CNTNAP3: variants seen among roughly 807,000 people sequenced by gnomAD.
CNTNAP3 encodes the protein contactin-associated protein-like 3.
Under a neutral mutation model 92.1 loss-of-function variants are expected in CNTNAP3, and 36 were observed. The ratio of observed to expected loss-of-function variants is 0.39; its 90% CI spans 0.30 to 0.52. The LOEUF (loss-of-function observed/expected upper bound fraction) is 0.52, where lower values mean the gene tolerates loss of function less well. Ranked by LOEUF, CNTNAP3 falls within the 20% of genes least tolerant of loss-of-function variation. The probability of loss-of-function intolerance (pLI) is 0.76; values close to 1 mark genes in which losing one functional copy is unlikely to be tolerated. For missense variants in CNTNAP3, 534 were observed against 1,069.6 expected, an observed-to-expected ratio of 0.50 and a Z score of 6.98; for synonymous variants, 232 against 422.3, an observed-to-expected ratio of 0.55 and a Z score of 5.53.
intron 13 of CNTNAP3, among the ~76,000 whole-genome samples, chr9:39,122,341 C>A (rs969954988): frequency 6.6e-6 from 1 of 151,966 alleles, no homozygotes; most frequent in South Asian, 2.1e-4. Flanking sequence ...GGCTACAGAG[C>A]GAGACTCTCT....
In CNTNAP3 at chr9:39,069,528, T is replaced by C. The variant is rs192104222; in HGVS notation, c.*4362A>G. Among the ~76,000 whole-genome samples the C allele has an allele frequency of 1.3e-5, 2 of 152,422 alleles. No homozygotes were observed. The highest frequency in any genetic ancestry group is 3.9e-4 in the East Asian group (2 of 5,190). The stretch of plus-strand genomic sequence containing the variant: ...CATGTGAACCTCACATTTTAAAATA[T>C]ATAATGGCACAATAAAATGCAAAAA... On this transcript the variant is annotated 3_prime_UTR_variant, in exon 24 of 24. Transcript: ENST00000297668.
intron 14 of CNTNAP3, among the ~76,000 whole-genome samples, chr9:39,114,824 T>G (rs1473410255): frequency 6.6e-6 from 1 of 151,866 alleles, no homozygotes; most frequent in Non-Finnish European, 1.5e-5. Flanking sequence ...AAAATAATAT[T>G]ACAGTTACAT....
chr9:39,081,953 G>A lies in CNTNAP3; in HGVS notation c.3443-3033C>T, dbSNP rs556268685. 5.6e-3 allele frequency among the ~76,000 whole-genome samples: 844 copies of A among 151,928 alleles called. 10 individuals are homozygous for A. The highest frequency in any genetic ancestry group is 0.019 in the African/African-American group (804 of 41,394). On this transcript the variant is annotated intron_variant, in intron 21 of 23. Coordinates refer to ENST00000297668, the MANE Select transcript of CNTNAP3 (RefSeq NM_033655.5). ...AAAAAAAAAATTAGCCGGGCATGGTGGTGGGTGCCTGTAGTCTCAGCTACT... is the reference window on the plus strand; with the variant it reads ...AAAAAAAAAATTAGCCGGGCATGGTAGTGGGTGCCTGTAGTCTCAGCTACT...
chr9:39,116,467 C>T (rs1008793852), intron 14 of CNTNAP3, among the ~76,000 whole-genome samples: 7 of 152,132 alleles, frequency 4.6e-5, no homozygotes, highest in Non-Finnish European at 1.0e-4. Context: ...CACATCATCA[C>T]ATTATCATAC....
intron 18 of CNTNAP3, among the ~76,000 whole-genome samples, chr9:39,096,839 A>G (rs1826337114): frequency 6.6e-6 from 1 of 150,492 alleles, no homozygotes; most frequent in Non-Finnish European, 1.5e-5. Context: ...AAAGTTTTTA[A>G]TAAGATGTGT....
intron 15 of CNTNAP3, among the ~76,000 whole-genome samples, chr9:39,106,154 A>T (rs1204953127): frequency 1.3e-5 from 2 of 152,192 alleles, no homozygotes; most frequent in East Asian, 3.8e-4. Context: ...GCTGCCCCAA[A>T]AGAAGGGAAA....
At chr9:39,149,360 T>G (rs1371953944) in intron 10 of CNTNAP3, among the ~76,000 whole-genome samples, 1 of 152,102 alleles carries the variant, frequency 6.6e-6, no homozygotes, top group Admixed American at 6.5e-5. Flanking sequence ...GTTTTTGTTT[T>G]TTTTTTTGAG....
At chr9:39,085,503 A>C (rs1379270382) in intron 21 of CNTNAP3, 1 of 520,204 alleles carries the variant, frequency 1.9e-6, no homozygotes, top group African/African-American at 2.0e-5. Flanking sequence ...CATGATTGCC[A>C]AGTGAGAGGT....
intron 5 of CNTNAP3, 42 bp downstream of exon 5, chr9:39,178,114 AT>A (rs557939435): frequency 7.6e-5 from 14 of 184,614 alleles, no homozygotes; most frequent in East Asian, 1.0e-4. Flanking sequence ...ATGTAAACAG[AT>A]TTTTTTTAAC....
intron 23 of CNTNAP3, among the ~76,000 whole-genome samples, chr9:39,076,324 C>A (rs1825762016): frequency 6.6e-6 from 1 of 152,310 alleles, no homozygotes; most frequent in Non-Finnish European, 1.5e-5. Flanking sequence ...ATTGCTTTTG[C>A]ATTGCAATGA....
At chr9:39,079,541 A>AT (rs1825880460) in intron 21 of CNTNAP3, among the ~76,000 whole-genome samples, 2 of 151,894 alleles carry the variant, frequency 1.3e-5, no homozygotes, top group Non-Finnish European at 2.9e-5. Flanking sequence ...ATGCCCCTTC[A>AT]TTTTCAATAT....
chr9:39,066,741 A>G lies in CNTNAP3; in HGVS notation c.*7149T>C, dbSNP rs1197369124. ...CATTGCTTCCAAAAAGAAGTCTGGT[A>G]TCATCCTTGTTTTTCTTCTCTGTGT... On this transcript the variant is annotated 3_prime_UTR_variant, in exon 24 of 24. Coordinates refer to ENST00000297668, the MANE Select transcript of CNTNAP3 (RefSeq NM_033655.5). 6.6e-6 allele frequency among the ~76,000 whole-genome samples: 1 copy of G among 152,308 alleles called. No homozygotes were observed. The highest frequency in any genetic ancestry group is 2.4e-5 in the African/African-American group (1 of 41,486).
chr9:39,142,903 A>G (rs1821610933), intron 11 of CNTNAP3, among the ~76,000 whole-genome samples: 1 of 151,958 alleles, frequency 6.6e-6, no homozygotes, highest in Admixed American at 6.6e-5. Flanking sequence ...GTGAAAATCA[A>G]ATGTCTCACG....
intron 13 of CNTNAP3, among the ~76,000 whole-genome samples, chr9:39,130,279 C>A (rs574748816): frequency 6.6e-6 from 1 of 151,998 alleles, no homozygotes; most frequent in South Asian, 2.1e-4. Context: ...TCTGGTATAT[C>A]CATGCCACCG....
chr9:39,120,087 G>C (rs1223197914), intron 13 of CNTNAP3, among the ~76,000 whole-genome samples: 1 of 152,124 alleles, frequency 6.6e-6, no homozygotes, highest in Non-Finnish European at 1.5e-5. Flanking sequence ...CAAACCCAGA[G>C]ATTTAGGAAG....
chr9:39,181,399 A>AT lies in CNTNAP3; in HGVS notation c.539-3040dup, dbSNP rs1822444520. Among the ~76,000 whole-genome samples the AT allele has an allele frequency of 2.5e-5, 2 of 80,998 alleles. 1 individual carries two copies. Among genetic ancestry groups the AT allele is most frequent in the Admixed American group, 2.6e-4 (2 of 7,744 alleles). The allele number at this position is 80,998 out of a possible 152,430, so 53.1% of individuals were successfully genotyped here. Reference sequence around the variant, plus strand: ...TACTGGAAAATTAATGTCACTTATTATGTTTACGATAAAATCCAACGTTCC... The same window carrying AT: ...TACTGGAAAATTAATGTCACTTATTATTGTTTACGATAAAATCCAACGTTCC... On this transcript the variant is annotated intron_variant, in intron 4 of 23. Coordinates refer to ENST00000297668, the MANE Select transcript of CNTNAP3 (RefSeq NM_033655.5).
intron 23 of CNTNAP3, among the ~76,000 whole-genome samples, chr9:39,076,735 A>C (rs1825778395): frequency 6.6e-6 from 1 of 152,298 alleles, no homozygotes; most frequent in African/African-American, 2.4e-5. Context: ...TTGGGAGGCC[A>C]AGGTAGGTGG....
At chr9:39,141,802 T>C (rs1821581181) in intron 11 of CNTNAP3, among the ~76,000 whole-genome samples, 1 of 152,184 alleles carries the variant, frequency 6.6e-6, no homozygotes. Context: ...GAATTTGTGC[T>C]TTATGTGAAT....
chr9:39,143,709 A>G (rs945744327), intron 11 of CNTNAP3, among the ~76,000 whole-genome samples: 36 of 152,190 alleles, frequency 2.4e-4, no homozygotes, highest in Non-Finnish European at 4.3e-4. Context: ...AGTCATTGTA[A>G]GAGATCTTAA....
Sources: gnomAD v4.1 joint callset for allele counts (sites outside exome capture counted in the v4.1 genomes callset) on GRCh38, gnomAD v4.1.1 for gene constraint, MANE v1.5 for transcripts, NCBI Gene and HGNC (gene_info 2026-07-23, HGNC 2026-07-21) for gene names.